The following EPHA6 variants were observed in gnomAD, a reference collection of about 807,000 sequenced individuals.
EPHA6 encodes EPH receptor A6, also known as ephrin type-A receptor 6.
A neutral mutation model predicts 112.0 loss-of-function variants in EPHA6; 50 were observed. The ratio of observed to expected loss-of-function variants is 0.45; its 90% CI spans 0.36 to 0.56. The LOEUF is 0.56. Ranked by LOEUF, EPHA6 falls within the 20% of genes least tolerant of loss-of-function variation. The pLI is 0.00. For synonymous variants in EPHA6, 529 were observed against 490.7 expected (o/e 1.08, Z -1.03); for missense variants, 1,280 against 1,417.4 (o/e 0.90, Z 1.56).
chr3:97,661,367 G>A (rs2094168864), intron 14 of EPHA6, among the ~76,000 whole-genome samples: 1 of 152,116 alleles, frequency 6.6e-6, no homozygotes, highest in South Asian at 2.1e-4. Context: ...CCCTCTACTA[G>A]CTTTGAACAC....
At chr3:97,693,039 G>C (rs1020581209) in intron 14 of EPHA6, among the ~76,000 whole-genome samples, 1 of 152,138 alleles carries the variant, frequency 6.6e-6, no homozygotes, top group Admixed American at 6.5e-5. Flanking sequence ...CGTGTGGTTG[G>C]TAAGTGGCCC....
chr3:96,987,792 G>A lies in EPHA6; in HGVS notation c.913G>A (p.Val305Ile), dbSNP rs200518665. 283 of 1,614,000 alleles carry A rather than the reference G, an allele frequency of 1.8e-4. No individual in the cohort carries two copies. In the Middle Eastern group the frequency reaches 7.3e-3, roughly 41 times the overall value. ...TTTCTACAAGAAATGCCCCTTCACTGTTCGTAACTTGGCCATGTTTCCTGA... is the reference window on the plus strand; with the variant it reads ...TTTCTACAAGAAATGCCCCTTCACTATTCGTAACTTGGCCATGTTTCCTGA... Reference protein sequence around the residue: ...RVFYKKCPFTVRNLAMFPDTI... With the variant: ...RVFYKKCPFTIRNLAMFPDTI... Residue 305 changes from valine to isoleucine, a missense_variant, in exon 3 of 18, where the codon GTT becomes ATT. Val to Ile is a conservative substitution (Grantham distance 29). This residue lies in a region of EPHA6 where 878 missense variants were observed against 999.7 expected (regional missense o/e 0.88). Transcript: ENST00000389672.
chr3:96,841,938 C>T (rs983105306), intron 1 of EPHA6, among the ~76,000 whole-genome samples: 1 of 152,034 alleles, frequency 6.6e-6, no homozygotes, highest in Admixed American at 6.6e-5. Context: ...GAAATTAATT[C>T]TGTCTATTCT....
At chr3:96,900,417 A>G (rs1323882879) in intron 2 of EPHA6, among the ~76,000 whole-genome samples, 1 of 152,220 alleles carries the variant, frequency 6.6e-6, no homozygotes, top group South Asian at 2.1e-4. Context: ...CATATAATGA[A>G]TTAAACATTA....
intron 3 of EPHA6, among the ~76,000 whole-genome samples, chr3:97,116,872 T>C (rs2047902626): frequency 6.6e-6 from 1 of 151,668 alleles, no homozygotes; most frequent in Non-Finnish European, 1.5e-5. Flanking sequence ...TGCTGGATCA[T>C]ATGGTAGTTT....
intron 14 of EPHA6, among the ~76,000 whole-genome samples, chr3:97,712,743 G>A (rs542575569): frequency 6.6e-6 from 1 of 152,308 alleles, no homozygotes; most frequent in African/African-American, 2.4e-5. Context: ...AGGTGAAAAG[G>A]ATCCTAATTC....
At chr3:97,282,979 C>T (rs2080339434) in intron 5 of EPHA6, among the ~76,000 whole-genome samples, 1 of 151,780 alleles carries the variant, frequency 6.6e-6, no homozygotes, top group Non-Finnish European at 1.5e-5. Context: ...CACATGTATC[C>T]CAGAACTTAA....
At chr3:96,820,441 C>T (rs924348522) in intron 1 of EPHA6, among the ~76,000 whole-genome samples, 3 of 151,598 alleles carry the variant, frequency 2.0e-5, no homozygotes, top group African/African-American at 4.8e-5. Context: ...AGAGTGATGT[C>T]GGTGGAGCTG....
At chr3:97,441,516 CTGTT>C (rs1156994086) in intron 6 of EPHA6, 4 of 747,820 alleles carry the variant, frequency 5.3e-6, no homozygotes, top group East Asian at 2.6e-4. Context: ...CAATTAGAAT[CTGTT>C]TGATTAAAGA....
At chr3:97,128,529 G>A (rs1317679646) in intron 3 of EPHA6, among the ~76,000 whole-genome samples, 1 of 151,926 alleles carries the variant, frequency 6.6e-6, no homozygotes, top group Non-Finnish European at 1.5e-5. Flanking sequence ...ATTTTTTTTG[G>A]AGACAGTGTC....
intron 3 of EPHA6, among the ~76,000 whole-genome samples, chr3:97,220,662 G>T (rs1406681218): frequency 6.6e-6 from 1 of 152,084 alleles, no homozygotes; most frequent in African/African-American, 2.4e-5. Context: ...CAGCATGGGG[G>T]AAACCACCCC....
At chr3:96,910,611 C>T (rs1225654338) in intron 2 of EPHA6, among the ~76,000 whole-genome samples, 2 of 151,930 alleles carry the variant, frequency 1.3e-5, no homozygotes, top group African/African-American at 4.8e-5. Flanking sequence ...TTTCCTATTC[C>T]TTGAACTTGG....
chr3:97,258,919 T>A (rs2079406629), intron 5 of EPHA6, among the ~76,000 whole-genome samples: 1 of 152,118 alleles, frequency 6.6e-6, no homozygotes, highest in African/African-American at 2.4e-5. Context: ...AAAATAACAG[T>A]TTATAAATAT....
intron 3 of EPHA6, among the ~76,000 whole-genome samples, chr3:97,029,542 G>A (rs1020658529): frequency 6.6e-6 from 1 of 152,022 alleles, no homozygotes; most frequent in African/African-American, 2.4e-5. Context: ...TTTAGAAAAT[G>A]TAAACTATTC....
intron 3 of EPHA6, among the ~76,000 whole-genome samples, chr3:97,027,559 A>T (rs2044684705): frequency 6.6e-6 from 1 of 152,216 alleles, no homozygotes; most frequent in Non-Finnish European, 1.5e-5. Context: ...CTTCTTGAAG[A>T]ATACTAGTGT....
At chr3:96,861,780 C>T (rs962139454) in intron 1 of EPHA6, among the ~76,000 whole-genome samples, 1 of 151,880 alleles carries the variant, frequency 6.6e-6, no homozygotes, top group African/African-American at 2.4e-5. Context: ...ACCTACTAAA[C>T]AAATAATTGA....
rs1369276425 is a variant in EPHA6, at chr3:97,689,759, A to C, written c.2785-30502A>C. ...TACTCTAATTTTAGAACATTGTCAC[A>C]CCCCCCCTAAAAATCTCATACCCAT... On this transcript the variant is annotated intron_variant, in intron 14 of 17. Coordinates refer to ENST00000389672, the MANE Select transcript of EPHA6 (RefSeq NM_001080448.3). Among the ~76,000 whole-genome samples the C allele has an allele frequency of 2.0e-5, 3 of 151,674 alleles. No individual in the cohort carries two copies. The East Asian group carries it at 5.8e-4, about 29-fold the overall frequency.
intron 5 of EPHA6, among the ~76,000 whole-genome samples, chr3:97,337,397 A>G (rs1410670368): frequency 1.3e-5 from 2 of 152,128 alleles, no homozygotes; most frequent in Non-Finnish European, 2.9e-5. Flanking sequence ...AATTGGCCTG[A>G]CCCATTTACT....
At chr3:97,430,000 C>T (rs1033645557) in intron 6 of EPHA6, among the ~76,000 whole-genome samples, 4 of 152,168 alleles carry the variant, frequency 2.6e-5, no homozygotes, top group Non-Finnish European at 5.9e-5. Flanking sequence ...GCCAGACAAG[C>T]TTCCAAAGAG....
Sources: allele counts gnomAD v4.1 joint callset (sites outside exome capture counted in the v4.1 genomes callset), GRCh38; gene constraint gnomAD v4.1.1; regional missense constraint gnomAD v4.1.1; transcripts MANE v1.5; gene names NCBI Gene and HGNC (gene_info 2026-07-23, HGNC 2026-07-21).